ADARB2: variants seen among roughly 807,000 people sequenced by gnomAD.
ADARB2 encodes the protein inactive double-stranded RNA-specific editase B2.
A neutral mutation model predicts 62.2 loss-of-function variants in ADARB2; 25 were observed. The observed-to-expected ratio is 0.40, with a 90% CI of 0.29 to 0.56. The LOEUF (loss-of-function observed/expected upper bound fraction) is 0.56. ADARB2 is among the 20% of genes least tolerant of loss of function. ADARB2 has a pLI of 0.43. For missense variants in ADARB2, 1,071 were observed against 1,077.4 expected (o/e 0.99, Z 0.08); for synonymous variants, 572 against 500.8 (o/e 1.14, Z -1.90).
At chr10:1,708,729 G>C (rs774550087) in intron 1 of ADARB2, among the ~76,000 whole-genome samples, 8 of 152,140 alleles carry the variant, frequency 5.3e-5, no homozygotes, top group Non-Finnish European at 1.0e-4. Flanking sequence ...CTCCCTCCTG[G>C]GGTCACAGTG....
chr10:1,229,711 C>A (rs567937864), intron 6 of ADARB2, among the ~76,000 whole-genome samples: 1 of 22,678 alleles, frequency 4.4e-5, no homozygotes, highest in Admixed American at 2.7e-4. Flanking sequence ...CTTATGTATG[C>A]GTGTTCATGT....
chr10:1,607,276 T>G (rs1249633537), intron 1 of ADARB2, among the ~76,000 whole-genome samples: 1 of 152,186 alleles, frequency 6.6e-6, no homozygotes, highest in Admixed American at 6.5e-5. Context: ...TCATGAACGA[T>G]TCACCACGTC....
chr10:1,675,872 C>A, intron 1 of ADARB2: 1 of 757,524 alleles, frequency 1.3e-6, no homozygotes, highest in Non-Finnish European at 1.6e-6. Context: ...CAGAGGCCAG[C>A]CTCAGCTCTG....
intron 1 of ADARB2, among the ~76,000 whole-genome samples, chr10:1,683,029 T>C (rs1457589164): frequency 6.6e-6 from 1 of 152,200 alleles, no homozygotes; most frequent in Non-Finnish European, 1.5e-5. Flanking sequence ...CATCACAGCT[T>C]CATTTGCGTG....
intron 3 of ADARB2, chr10:1,361,754 T>A (rs1429094657): frequency 6.6e-6 from 1 of 152,218 alleles, no homozygotes; most frequent in Non-Finnish European, 1.5e-5. Flanking sequence ...GTGAAGAGAT[T>A]TATCATCTCC....
chr10:1,636,479 T>G (rs1442600090), intron 1 of ADARB2, among the ~76,000 whole-genome samples: 1 of 152,218 alleles, frequency 6.6e-6, no homozygotes, highest in East Asian at 1.9e-4. Flanking sequence ...ATTGCACCAT[T>G]GCACTCTAGC....
intron 3 of ADARB2, among the ~76,000 whole-genome samples, chr10:1,280,672 G>A (rs1212525540): frequency 6.6e-6 from 1 of 151,798 alleles, no homozygotes; most frequent in African/African-American, 2.4e-5. Flanking sequence ...ATTCCTGAGT[G>A]ATGCTCTATG....
intron 7 of ADARB2, chr10:1,215,814 C>T (rs1000949872): frequency 1.3e-5 from 2 of 152,246 alleles, no homozygotes; most frequent in Non-Finnish European, 2.9e-5. Context: ...TTTTCCAAAC[C>T]AAAGTTACAG....
intron 3 of ADARB2, among the ~76,000 whole-genome samples, chr10:1,303,737 A>C (rs979298820): frequency 6.6e-6 from 1 of 152,098 alleles, no homozygotes; most frequent in Non-Finnish European, 1.5e-5. Flanking sequence ...CATTCTTAAA[A>C]GAATTTTCAA....
chr10:1,228,424 T>C (rs1258942987), intron 6 of ADARB2, among the ~76,000 whole-genome samples: 2 of 152,212 alleles, frequency 1.3e-5, no homozygotes, highest in Non-Finnish European at 2.9e-5. Context: ...CTTTCAGAAC[T>C]GCCTGAGTTC....
intron 1 of ADARB2, among the ~76,000 whole-genome samples, chr10:1,703,122 G>A (rs373003965): frequency 1.7e-4 from 26 of 152,292 alleles, no homozygotes; most frequent in East Asian, 9.7e-4. Context: ...ATGTAAGCAC[G>A]TGCTACACCA....
chr10:1,540,761 C>A (rs1357063499), intron 1 of ADARB2, among the ~76,000 whole-genome samples: 1 of 59,542 alleles, frequency 1.7e-5, no homozygotes, highest in African/African-American at 4.7e-5. Flanking sequence ...TGGATCACAG[C>A]CATCCAGACC....
chr10:1,523,671 C>G (rs904619986), intron 1 of ADARB2, among the ~76,000 whole-genome samples: 21 of 151,428 alleles, frequency 1.4e-4, no homozygotes, highest in Non-Finnish European at 2.8e-4. Flanking sequence ...TTATCAGAAA[C>G]AAGCAATGAT....
At chr10:1,529,684 C>T (rs993782419) in intron 1 of ADARB2, among the ~76,000 whole-genome samples, 5 of 152,204 alleles carry the variant, frequency 3.3e-5, no homozygotes, top group Non-Finnish European at 5.9e-5. Flanking sequence ...AACTCAGTAG[C>T]TTCCACGGGA....
At chr10:1,601,879 A>G (rs1455246771) in intron 1 of ADARB2, among the ~76,000 whole-genome samples, 1 of 152,200 alleles carries the variant, frequency 6.6e-6, no homozygotes, top group African/African-American at 2.4e-5. Flanking sequence ...AACAAAGCAA[A>G]AGCAAAAGCA....
At chr10:1,572,348 C>T (rs1832953575) in intron 1 of ADARB2, among the ~76,000 whole-genome samples, 1 of 152,164 alleles carries the variant, frequency 6.6e-6, no homozygotes, top group East Asian at 1.9e-4. Context: ...TCTCAGGTCT[C>T]TACAGGGCTG....
intron 1 of ADARB2, among the ~76,000 whole-genome samples, chr10:1,617,275 T>C (rs1833651417): frequency 6.7e-6 from 1 of 148,536 alleles, no homozygotes. Context: ...GGCTGCATTC[T>C]GTTGCTAGAT....
chr10:1,455,565 G>T (rs1337916688), intron 1 of ADARB2, among the ~76,000 whole-genome samples: 1 of 152,194 alleles, frequency 6.6e-6, no homozygotes, highest in East Asian at 1.9e-4. Context: ...TGGAGGTATT[G>T]CTGTTTCTTT....
At chr10:1,506,477 G>T (rs1028265418) in intron 1 of ADARB2, among the ~76,000 whole-genome samples, 1 of 152,180 alleles carries the variant, frequency 6.6e-6, no homozygotes. Flanking sequence ...GCAAAACTCT[G>T]CAGCGCTTTT....
Sources: gnomAD v4.1 joint callset for allele counts (sites outside exome capture counted in the v4.1 genomes callset) on GRCh38, gnomAD v4.1.1 for gene constraint, MANE v1.5 for transcripts, NCBI Gene and HGNC (gene_info 2026-07-23, HGNC 2026-07-21) for gene names.